Variants in MTFR1 observed in about 807,000 individuals in gnomAD.
MTFR1 encodes mitochondrial fission regulator 1, also known as chondrocyte protein with a poly-proline region.
MTFR1 carries 28 observed loss-of-function variants against 38.8 expected under a neutral mutation model. The ratio of observed to expected loss-of-function variants is 0.72; its 90% confidence interval spans 0.53 to 0.99. The LOEUF (loss-of-function observed/expected upper bound fraction) is 0.99. Among genes scored for constraint, MTFR1 ranks in the 50% least tolerant of loss-of-function variants. MTFR1 has a pLI of 0.00. For missense variants in MTFR1, 358 were observed against 395.5 expected (o/e 0.91, Z 0.81); for synonymous variants, 145 against 137.0 (o/e 1.06, Z -0.41).
intron 2 of MTFR1, among the ~76,000 whole-genome samples, chr8:65,717,241 T>C (rs1806177490): frequency 6.6e-6 from 1 of 152,192 alleles, no homozygotes; most frequent in South Asian, 2.1e-4. Context: ...ATTTAGAAGT[T>C]TGCACCATAT....
chr8:65,664,601 T>G (rs898036027), intron 1 of MTFR1, among the ~76,000 whole-genome samples: 4 of 151,634 alleles, frequency 2.6e-5, no homozygotes, highest in African/African-American at 9.7e-5. Context: ...AAATGATAGG[T>G]TTTCCTTTGT....
At chr8:65,719,360 C>A (rs1436732655) in intron 2 of MTFR1, 6 of 1,614,058 alleles carry the variant, frequency 3.7e-6, no homozygotes, top group Non-Finnish European at 5.1e-6. Flanking sequence ...GTCCTCACTG[C>A]TCGACTGTTC....
intron 3 of MTFR1, among the ~76,000 whole-genome samples, chr8:65,730,168 C>CTTT (rs1563473710): frequency 5.1e-4 from 16 of 31,636 alleles, no homozygotes; most frequent in Admixed American, 7.3e-4. Context: ...AGGTTGCGCA[C>CTTT]TTCTTTTTTT....
At chr8:65,755,024 AT>A (rs113923652) in intron 3 of MTFR1, among the ~76,000 whole-genome samples, 23,090 of 136,540 alleles carry the variant, frequency 0.17, 2,029 homozygotes, top group East Asian at 0.46. Context: ...TTTTTCACTT[AT>A]TTTTTTTTTT....
intron 3 of MTFR1, among the ~76,000 whole-genome samples, chr8:65,761,622 T>G (rs1203851162): frequency 6.6e-6 from 1 of 152,188 alleles, no homozygotes; most frequent in Non-Finnish European, 1.5e-5. Flanking sequence ...TTCTAAAATA[T>G]CACATTACTT....
chr8:65,689,584 T>G, intron 3 of MTFR1: 1 of 1,276,914 alleles, frequency 7.8e-7, no homozygotes, highest in Admixed American at 2.4e-5. Context: ...GGACAGGACC[T>G]TGCTGGGAAC....
chr8:65,723,393 C>A, intron 3 of MTFR1: 1 of 720,738 alleles, frequency 1.4e-6, no homozygotes, highest in Non-Finnish European at 1.9e-6. Flanking sequence ...AGAGCCATAA[C>A]AAGGGAAAAC....
Position 65,644,871 on chromosome 8 carries a change from ACAGT to A in MTFR1, c.-81+91_-81+94del, listed in dbSNP as rs1298092411. On this transcript the variant is annotated intron_variant, in intron 1 of 7. Transcript: ENST00000262146. ...CTGACGGCGATGGGATGCCCTGGAA[ACAGT>A]CAGAACAGGAGCTGAAGGAGCTCGG... 4 of 152,522 alleles carry A rather than the reference ACAGT, an allele frequency of 2.6e-5. No individual in the cohort carries two copies. The East Asian group carries it at 5.8e-4, about 22-fold the overall frequency. 9.4% of individuals were successfully genotyped at this position (152,522 alleles called of 1,614,324 possible).
intron 3 of MTFR1, chr8:65,721,773 CTTCGA>C (rs1806386395): frequency 6.7e-6 from 1 of 148,622 alleles, no homozygotes; most frequent in Admixed American, 6.7e-5. Flanking sequence ...ATTCACCTGT[CTTCGA>C]TTCAATTCTC....
intron 4 of MTFR1, among the ~76,000 whole-genome samples, chr8:65,702,488 T>TG (rs1179729454): frequency 6.6e-6 from 1 of 151,972 alleles, no homozygotes; most frequent in Non-Finnish European, 1.5e-5. Flanking sequence ...TTAGTAGAGA[T>TG]GGGGTTTCAC....
chr8:65,730,406 C>T (rs1806831970), intron 3 of MTFR1, among the ~76,000 whole-genome samples: 1 of 151,502 alleles, frequency 6.6e-6, no homozygotes. Flanking sequence ...TCTCGAACTC[C>T]CAACCTCAGG....
At chr8:65,712,698 C>G (rs1026417219), downstream of MTFR1, among the ~76,000 whole-genome samples, 8 of 152,182 alleles carry the variant, frequency 5.3e-5, no homozygotes, top group South Asian at 2.1e-4. Flanking sequence ...AGACAGTGCT[C>G]ACCAGAACTG....
chr8:65,721,011 CCAA>C (rs1470154619), intron 3 of MTFR1, among the ~76,000 whole-genome samples: 4 of 152,170 alleles, frequency 2.6e-5, no homozygotes, highest in Non-Finnish European at 4.4e-5. Context: ...CCTCCAACAG[CCAA>C]CAAATTAGCT....
intron 4 of MTFR1, among the ~76,000 whole-genome samples, chr8:65,700,916 G>A (rs778647704): frequency 1.2e-4 from 18 of 152,118 alleles, no homozygotes; most frequent in East Asian, 3.8e-4. Context: ...GGAAAAGGAC[G>A]GAACTCAAAA....
chr8:65,684,085 A>G (rs6991669), intron 3 of MTFR1, among the ~76,000 whole-genome samples: 29,243 of 152,170 alleles, frequency 0.19, 2,978 homozygotes, highest in Middle Eastern at 0.23. Flanking sequence ...CTAGAGACGT[A>G]GAGATATCTA....
At chr8:65,711,276 A>C (rs1006508924), downstream of MTFR1, among the ~76,000 whole-genome samples, 2 of 152,186 alleles carry the variant, frequency 1.3e-5, no homozygotes, top group South Asian at 4.1e-4. Flanking sequence ...GCCCTTCTAC[A>C]TAAGACTTGT....
At chr8:65,685,040 G>A (rs1326339605) in intron 3 of MTFR1, among the ~76,000 whole-genome samples, 1 of 152,148 alleles carries the variant, frequency 6.6e-6, no homozygotes, top group Admixed American at 6.5e-5. Context: ...CTACTTAAAT[G>A]TTTTACATAT....
At chr8:65,708,695 T>C (rs1805856792) in intron 7 of MTFR1, among the ~76,000 whole-genome samples, 1 of 152,232 alleles carries the variant, frequency 6.6e-6, no homozygotes, top group Non-Finnish European at 1.5e-5. Flanking sequence ...CTTTCTCTCT[T>C]TACTCAGAGA....
chr8:65,681,390 G>A (rs1295714568), intron 2 of MTFR1, among the ~76,000 whole-genome samples: 1 of 152,228 alleles, frequency 6.6e-6, no homozygotes, highest in East Asian at 1.9e-4. Context: ...AAAGTGCTGG[G>A]ATTACAGGCA....
Sources: allele counts gnomAD v4.1 joint callset (sites outside exome capture counted in the v4.1 genomes callset), GRCh38; gene constraint gnomAD v4.1.1; transcripts MANE v1.5; gene names NCBI Gene and HGNC (gene_info 2026-07-23, HGNC 2026-07-21).